The following NHLRC3 variants were observed in gnomAD, a reference collection of about 807,000 sequenced individuals.
NHLRC3 encodes NHL repeat containing 3.
NHLRC3 carries 23 observed loss-of-function variants against 32.0 expected under a neutral mutation model. The ratio of observed to expected loss-of-function variants is 0.72; its 90% CI spans 0.52 to 1.02. The LOEUF is 1.02. NHLRC3 is among the 50% of genes least tolerant of loss of function. The pLI is 0.00. For synonymous variants in NHLRC3, 159 were observed against 147.9 expected, an observed-to-expected ratio of 1.08 and a Z score of -0.55; for missense variants, 407 against 406.8, an observed-to-expected ratio of 1.00 and a Z score of -0.01.
chr13:39,039,008 T>A (rs146196322), intron 1 of NHLRC3, 128 bp from the exon 2 acceptor site: 1 of 747,756 alleles, frequency 1.3e-6, no homozygotes, highest in South Asian at 1.8e-5. Context: ...TTTGGAATTA[T>A]TTCAGTCCAG....
intron 4 of NHLRC3, among the ~76,000 whole-genome samples, chr13:39,043,605 T>C (rs762477937): frequency 8.5e-5 from 13 of 152,330 alleles, no homozygotes; most frequent in Middle Eastern, 3.4e-3. Context: ...TAATTTTATC[T>C]GCAAAAACTA....
At chr13:39,046,191 G>T (rs928620094) in intron 5 of NHLRC3, among the ~76,000 whole-genome samples, 1 of 152,108 alleles carries the variant, frequency 6.6e-6, no homozygotes, top group Non-Finnish European at 1.5e-5. Context: ...GGTGGCGGGC[G>T]CCTGTAGTCT....
At position 39,042,132 on chromosome 13, in the gene NHLRC3, AC is replaced by A; in HGVS notation, c.414del (p.Tyr138Ter). ...SGFFGHTVKK[Y>X]SSFGDLVQVL... ...TTCTTTGGTCATACTGTTAAAAAAT[AC>A]AGTTCTTTTGGTGATCTTGTTCAAG... On this transcript the variant is annotated frameshift_variant, in exon 4 of 7. Transcript: ENST00000379600. LOFTEE classifies it high-confidence loss of function. 1 of 1,607,812 alleles carries A rather than the reference AC, an allele frequency of 6.2e-7. No homozygotes were observed. Among genetic ancestry groups the A allele is most frequent in the Non-Finnish European group, 8.5e-7 (1 of 1,174,450 alleles).
chr13:39,041,985 A>C (rs926690436), intron 3 of NHLRC3, 120 bp from the exon 4 acceptor site: 1 of 612,228 alleles, frequency 1.6e-6, no homozygotes, highest in African/African-American at 1.9e-5. Context: ...GTAATTTCCT[A>C]AGCCTATCAC....
chr13:39,039,253 G>T lies in NHLRC3; in HGVS notation c.202G>T (p.Val68Phe), dbSNP rs1255965702. The part of the protein sequence containing the change: ...YFTGTTFCVA[V>F]DSLNGLVYIG... The stretch of plus-strand genomic sequence containing the variant: ...TACCGGAACAACATTTTGTGTTGCA[G>T]TTGACTCCCTCAATGGATTGGTTTA... The change falls in exon 2 of 7, where the codon GTT (valine) becomes TTT (phenylalanine). Residue 68 changes from valine (V) to phenylalanine (F), a missense_variant. Val to Phe is a conservative substitution (Grantham distance 50, BLOSUM62 -1). Coordinates refer to ENST00000379600, the MANE Select transcript of NHLRC3 (RefSeq NM_001012754.4). The T allele has an allele frequency of 6.2e-7, 1 of 1,614,030 alleles. No individual in the cohort carries two copies. Among genetic ancestry groups the T allele is most frequent in the African/African-American group, 1.3e-5 (1 of 75,042 alleles).
chr13:39,043,603 T>C (rs150150033), intron 4 of NHLRC3, among the ~76,000 whole-genome samples: 90 of 152,318 alleles, frequency 5.9e-4, no homozygotes, highest in African/African-American at 2.1e-3. Flanking sequence ...TTTAATTTTA[T>C]CTGCAAAAAC....
At position 39,044,192 on chromosome 13, in the gene NHLRC3, AGC is replaced by A; in HGVS notation, c.678+13_678+14del. 1 of 1,566,388 alleles carries A rather than the reference AGC, an allele frequency of 6.4e-7. No individual in the cohort carries two copies. Among genetic ancestry groups the A allele is most frequent in the Non-Finnish European group, 8.8e-7 (1 of 1,137,260 alleles). ...GATTCAGCTGGTCGGGTACAAATAC[AGC>A]GTCATTGTGTCTGGGACTTTGTGTC... On this transcript the variant is annotated intron_variant, in intron 5 of 6. Transcript: ENST00000379600.
In NHLRC3 at chr13:39,048,172, CTA is replaced by C. The variant is rs967483150; in HGVS notation, c.*247_*248del. The C allele has an allele frequency of 8.3e-5, 29 of 351,434 alleles. No individual in the cohort carries two copies. The highest frequency in any genetic ancestry group is 5.8e-4 in the African/African-American group (28 of 48,508). 21.8% of individuals were successfully genotyped at this position (351,434 alleles called of 1,614,324 possible). A position where few individuals can be genotyped will look rare whatever the true frequency, so the allele number is the denominator to read the frequency against. ...TAAAAAATGGGGTTGGGAAGAGGGA[CTA>C]AGGTGGTAACCTCATTATTTGCCCT... is the stretch of plus-strand genomic sequence containing the variant. On this transcript the variant is annotated 3_prime_UTR_variant, in exon 7 of 7. Coordinates refer to ENST00000379600, the MANE Select transcript of NHLRC3 (RefSeq NM_001012754.4).
Position 39,047,998 on chromosome 13 carries a change from C to T in NHLRC3, c.*72C>T, listed in dbSNP as rs1871756188. ...TCACTAAGTGCTTAAAAATGATGTT[C>T]AAGCACAAGAATTTATTTTTCTAGT... On this transcript the variant is annotated 3_prime_UTR_variant, in exon 7 of 7. Transcript: ENST00000379600. 1.6e-6 allele frequency: 2 copies of T among 1,220,012 alleles called. No individual in the cohort carries two copies. Among genetic ancestry groups the T allele is most frequent in the African/African-American group, 1.5e-5 (1 of 66,270 alleles). The allele number at this position is 1,220,012 out of a possible 1,614,324, so 75.6% of individuals were successfully genotyped here.
In NHLRC3 at chr13:39,038,658, T is replaced by C. The variant is rs1871305392; in HGVS notation, c.19T>C (p.Cys7Arg). Residue 7 changes from cysteine to arginine, a missense_variant, in exon 1 of 7, where the codon TGC becomes CGC. Cys to Arg is a radical substitution (Grantham distance 180). Transcript: ENST00000379600. ...TCTGGTCATGGCGAGATTCTGGGTC[T>C]GCGTAGCCGGTGCTGGCTTCTTTCT... The part of the protein sequence containing the change: MARFWV[C>R]VAGAGFFLAF... The C allele has an allele frequency of 6.2e-7, 1 of 1,614,096 alleles. No homozygotes were observed. The highest frequency in any genetic ancestry group is 8.5e-7 in the Non-Finnish European group (1 of 1,180,040).
chr13:39,042,961 G>A (rs917974493), intron 4 of NHLRC3, among the ~76,000 whole-genome samples: 1 of 152,160 alleles, frequency 6.6e-6, no homozygotes, highest in African/African-American at 2.4e-5. Context: ...TTCAGCAGCA[G>A]AAAATACAAT....
At position 39,048,708 on chromosome 13, in the gene NHLRC3, G is replaced by A. The variant is rs1019060499; in HGVS notation, c.*782G>A. 7 of 152,172 alleles carry A rather than the reference G, an allele frequency of 4.6e-5. No individual in the cohort carries two copies. Among genetic ancestry groups the A allele is most frequent in the African/African-American group, 1.4e-4 (6 of 41,512 alleles). 9.4% of individuals were successfully genotyped at this position (152,172 alleles called of 1,614,324 possible). On this transcript the variant is annotated 3_prime_UTR_variant, in exon 7 of 7. Transcript: ENST00000379600. Reference sequence around the variant, plus strand: ...TTAGGCCTTTTTTAAAGCCCAACTTGGCTTCTGTCCATTACCTATAAGATA... The same window carrying A: ...TTAGGCCTTTTTTAAAGCCCAACTTAGCTTCTGTCCATTACCTATAAGATA...
chr13:39,045,886 TA>T (rs1190726284), intron 5 of NHLRC3, among the ~76,000 whole-genome samples: 2 of 152,320 alleles, frequency 1.3e-5, no homozygotes, highest in South Asian at 4.1e-4. Context: ...GATGAAGCTG[TA>T]ATCAGGGTTA....
rs1566033891 is a variant in NHLRC3 at position 39,044,235 on chromosome 13, GTGTGTGT to G, written c.678+55_678+61del. Reference sequence around the variant, plus strand: ...ACTTTGTGTCTGAATATGTTTGTGTGTGTGTGTGTGTGTGTGTGTGTGTGTGTGTGTG... The same window carrying G: ...ACTTTGTGTCTGAATATGTTTGTGTGGTGTGTGTGTGTGTGTGTGTGTGTG... On this transcript the variant is annotated intron_variant, in intron 5 of 6. Transcript: ENST00000379600. 795 of 761,398 alleles carry G rather than the reference GTGTGTGT, an allele frequency of 1.0e-3. 10 individuals are homozygous for G. The highest frequency in any genetic ancestry group is 5.7e-3 in the South Asian group (358 of 63,026). 47.2% of individuals were successfully genotyped at this position (761,398 alleles called of 1,614,324 possible). A position where few individuals can be genotyped will look rare whatever the true frequency, so the allele number is the denominator to read the frequency against.
At chr13:39,038,348 G>T (rs541661838), upstream of NHLRC3, 7 of 479,648 alleles carry the variant, frequency 1.5e-5, no homozygotes, top group South Asian at 4.8e-5. Context: ...GGCGCGGACT[G>T]CCCTGAGGGC....
chr13:39,039,780 T>C (rs1871383189), intron 3 of NHLRC3, 69 bp downstream of exon 3: 9 of 1,174,082 alleles, frequency 7.7e-6, no homozygotes, highest in East Asian at 2.4e-5. Context: ...CTTGTTTGTA[T>C]TGTTTAAAAT....
Position 39,044,235 on chromosome 13 carries a change from GTGTGTGTGTGT to G in NHLRC3, c.678+55_678+65del, listed in dbSNP as rs1871579491. On this transcript the variant is annotated intron_variant, in intron 5 of 6. Coordinates refer to ENST00000379600, the MANE Select transcript of NHLRC3 (RefSeq NM_001012754.4). Reference sequence around the variant, plus strand: ...ACTTTGTGTCTGAATATGTTTGTGTGTGTGTGTGTGTGTGTGTGTGTGTGTGTGTGTGTCTG... The same window carrying G: ...ACTTTGTGTCTGAATATGTTTGTGTGGTGTGTGTGTGTGTGTGTGTGTCTG... 17 of 761,390 alleles carry G rather than the reference GTGTGTGTGTGT, an allele frequency of 2.2e-5. No homozygotes were observed. The Admixed American group carries it at 3.0e-4, about 13-fold the overall frequency. The allele number at this position is 761,390 out of a possible 1,614,324, so 47.2% of individuals were successfully genotyped here.
chr13:39,041,987 G>C (rs1221278802), intron 3 of NHLRC3, 118 bp from the exon 4 acceptor site: 1 of 622,772 alleles, frequency 1.6e-6, no homozygotes, highest in Non-Finnish European at 2.8e-6. Context: ...AATTTCCTAA[G>C]CCTATCACCT....
chr13:39,039,504 A>C (rs41286947), intron 2 of NHLRC3, 60 bp from the exon 3 acceptor site: 23,293 of 1,415,738 alleles, frequency 0.016, 217 homozygotes, highest in Non-Finnish European at 0.019. Flanking sequence ...TTCTTCGCCA[A>C]GATACAGATT....
Sources: allele counts gnomAD v4.1 joint callset (sites outside exome capture counted in the v4.1 genomes callset), GRCh38; gene constraint gnomAD v4.1.1; transcripts MANE v1.5; gene names NCBI Gene and HGNC (gene_info 2026-07-23, HGNC 2026-07-21).